Variants in FREM2 observed in about 807,000 individuals in gnomAD.
The protein encoded by FREM2 is FRAS1 related extracellular matrix 2.
A neutral mutation model predicts 219.9 loss-of-function variants in FREM2; 119 were observed. That is an observed-to-expected ratio of 0.54 (90% CI 0.47 to 0.63). FREM2 has a LOEUF of 0.63. Ranked by LOEUF, FREM2 falls within the 30% of genes least tolerant of loss-of-function variation. FREM2 has a pLI of 0.00. For missense variants in FREM2, 4,030 were observed against 3,993.6 expected, an observed-to-expected ratio of 1.01 and a Z score of -0.25; for synonymous variants, 1,562 against 1,522.8, an observed-to-expected ratio of 1.03 and a Z score of -0.60.
chr13:38,805,353 G>A (rs563182977), intron 6 of FREM2, among the ~76,000 whole-genome samples: 41 of 151,890 alleles, frequency 2.7e-4, no homozygotes, highest in African/African-American at 8.9e-4. Flanking sequence ...AAAAATCTAC[G>A]TTCAAAAAAG....
At chr13:38,874,621 C>A in intron 18 of FREM2, 35 bp downstream of exon 18, 1 of 1,518,244 alleles carries the variant, frequency 6.6e-7, no homozygotes, top group Non-Finnish European at 9.2e-7. Flanking sequence ...CCACTCCTCA[C>A]ACAAAAAGGA....
intron 2 of FREM2, among the ~76,000 whole-genome samples, chr13:38,756,664 A>T (rs1794093119): frequency 1.3e-5 from 2 of 151,564 alleles, no homozygotes; most frequent in African/African-American, 4.9e-5. Context: ...AGTAGGTGAG[A>T]CTACAGGCAT....
intron 2 of FREM2, among the ~76,000 whole-genome samples, chr13:38,726,335 G>T (rs1190524408): frequency 6.6e-6 from 1 of 152,146 alleles, no homozygotes; most frequent in Non-Finnish European, 1.5e-5. Flanking sequence ...GATAGAGGAG[G>T]TGGTTTGGAA....
chr13:38,766,080 G>T (rs891103466), intron 3 of FREM2, among the ~76,000 whole-genome samples: 1 of 152,126 alleles, frequency 6.6e-6, no homozygotes, highest in Non-Finnish European at 1.5e-5. Context: ...TTAAAAATAG[G>T]TTTATCTATT....
intron 2 of FREM2, among the ~76,000 whole-genome samples, chr13:38,761,152 T>C (rs1268343382): frequency 6.6e-6 from 1 of 152,144 alleles, no homozygotes; most frequent in Non-Finnish European, 1.5e-5. Flanking sequence ...ATACAGCACA[T>C]ACAAAAACAG....
intron 9 of FREM2, 128 bp from the exon 10 acceptor site, chr13:38,850,816 A>G (rs1201911896): frequency 3.0e-6 from 3 of 1,014,206 alleles, no homozygotes; most frequent in Non-Finnish European, 4.6e-6. Context: ...GGCTTATTGC[A>G]TGCCAAACAC....
chr13:38,870,628 C>A (rs1030928376), intron 16 of FREM2, among the ~76,000 whole-genome samples: 1 of 152,124 alleles, frequency 6.6e-6, no homozygotes, highest in Non-Finnish European at 1.5e-5. Context: ...GGCTCCAGTT[C>A]CTCCAGGTAG....
rs931886354 is a variant in FREM2 at position 38,692,058 on chromosome 13, A to G, written c.4714A>G (p.Ile1572Val). 1.2e-5 allele frequency: 19 copies of G among 1,614,178 alleles called. No homozygotes were observed. Among genetic ancestry groups the G allele is most frequent in the African/African-American group, 6.7e-5 (5 of 75,038 alleles). The change falls in exon 1 of 24, where the codon ATC becomes GTC. Residue 1572 changes from isoleucine to valine, a missense_variant. Coordinates refer to ENST00000280481, the MANE Select transcript of FREM2 (RefSeq NM_207361.6). ...DTPDKLLKFTITQVPIHGHLL... is the reference protein window; with the variant it reads ...DTPDKLLKFTVTQVPIHGHLL... ...TCCTGACAAGCTCCTGAAATTCACT[A>G]TCACCCAGGTGCCTATTCATGGCCA...
chr13:38,725,091 T>C (rs192494679), intron 2 of FREM2, among the ~76,000 whole-genome samples: 1 of 152,334 alleles, frequency 6.6e-6, no homozygotes, highest in East Asian at 1.9e-4. Flanking sequence ...TTTGAGGAAT[T>C]GTACTTAATT....
intron 2 of FREM2, among the ~76,000 whole-genome samples, chr13:38,761,149 A>G (rs1006365726): frequency 6.6e-5 from 10 of 152,236 alleles, no homozygotes; most frequent in African/African-American, 2.4e-4. Flanking sequence ...AAGATACAGC[A>G]CATACAAAAA....
intron 2 of FREM2, among the ~76,000 whole-genome samples, chr13:38,757,531 G>A (rs1017440846): frequency 6.6e-6 from 1 of 152,070 alleles, no homozygotes; most frequent in African/African-American, 2.4e-5. Flanking sequence ...GGAAACCCAT[G>A]TGTGTCGTGG....
At chr13:38,873,643 G>A (rs570555978) in intron 17 of FREM2, among the ~76,000 whole-genome samples, 2 of 152,250 alleles carry the variant, frequency 1.3e-5, no homozygotes, top group Middle Eastern at 3.4e-3. Flanking sequence ...TTAGTAGGAC[G>A]AGTGCTTTTT....
At chr13:38,873,175 T>G (rs1427008018) in intron 17 of FREM2, among the ~76,000 whole-genome samples, 1 of 152,226 alleles carries the variant, frequency 6.6e-6, no homozygotes, top group African/African-American at 2.4e-5. Flanking sequence ...GGATATTTTA[T>G]CCTTGCGATC....
intron 2 of FREM2, among the ~76,000 whole-genome samples, chr13:38,758,724 C>A (rs981806951): frequency 1.3e-5 from 2 of 152,184 alleles, no homozygotes; most frequent in South Asian, 4.1e-4. Flanking sequence ...AATCCTATCA[C>A]GGAAATGGCA....
At chr13:38,808,667 C>T (rs1234529192) in intron 6 of FREM2, among the ~76,000 whole-genome samples, 3 of 151,804 alleles carry the variant, frequency 2.0e-5, no homozygotes, top group Non-Finnish European at 4.4e-5. Context: ...TAAGTTTGAC[C>T]TCTTCTATGG....
intron 2 of FREM2, among the ~76,000 whole-genome samples, chr13:38,763,455 T>C (rs1593392141): frequency 1.4e-5 from 2 of 145,784 alleles, no homozygotes; most frequent in South Asian, 4.5e-4. Context: ...GCTGTGTTTG[T>C]TACTTGGGCT....
At chr13:38,807,508 T>G (rs898625141) in intron 6 of FREM2, among the ~76,000 whole-genome samples, 1 of 137,476 alleles carries the variant, frequency 7.3e-6, no homozygotes, top group Non-Finnish European at 1.7e-5. Flanking sequence ...ACAAAATGTA[T>G]TTTTTAAATG....
chr13:38,768,036 G>A (rs372712594), intron 3 of FREM2, among the ~76,000 whole-genome samples: 9 of 152,246 alleles, frequency 5.9e-5, no homozygotes, highest in East Asian at 1.9e-4. Flanking sequence ...GTTTTTGTCT[G>A]TTTTGTTCTC....
chr13:38,772,629 T>C (rs1873708219), intron 4 of FREM2, among the ~76,000 whole-genome samples: 1 of 152,132 alleles, frequency 6.6e-6, no homozygotes, highest in Admixed American at 6.5e-5. Flanking sequence ...CTTTCAATTT[T>C]ATATTTGGCA....
Sources: allele counts gnomAD v4.1 joint callset (sites outside exome capture counted in the v4.1 genomes callset), GRCh38; gene constraint gnomAD v4.1.1; transcripts MANE v1.5; gene names NCBI Gene and HGNC (gene_info 2026-07-23, HGNC 2026-07-21).